The following TRHDE variants were observed in gnomAD, a reference collection of about 807,000 sequenced individuals.
TRHDE encodes thyrotropin releasing hormone degrading enzyme, also known as thyrotropin-releasing hormone-degrading ectoenzyme.
Under a neutral mutation model 125.7 loss-of-function variants are expected in TRHDE, and 72 were observed. The observed-to-expected ratio is 0.57, with a 90% CI of 0.47 to 0.70. The LOEUF (loss-of-function observed/expected upper bound fraction) is 0.70, where lower values mean the gene tolerates loss of function less well. TRHDE is among the 30% of genes least tolerant of loss of function. The probability of loss-of-function intolerance (pLI) is 0.00; values close to 1 mark genes in which losing one functional copy is unlikely to be tolerated. For missense variants in TRHDE, 1,110 were observed against 1,327.1 expected, an observed-to-expected ratio of 0.84 and a Z score of 2.54; for synonymous variants, 509 against 509.1, an observed-to-expected ratio of 1.00 and a Z score of 0.00.
At chr12:72,117,941 C>T (rs1875486898) in intron 2 of TRHDE, among the ~76,000 whole-genome samples, 1 of 151,026 alleles carries the variant, frequency 6.6e-6, no homozygotes, top group African/African-American at 2.4e-5. Flanking sequence ...AACTTTACTG[C>T]ATTTTTTTTT....
At chr12:72,158,307 G>T (rs573367043) in intron 2 of TRHDE, among the ~76,000 whole-genome samples, 2 of 151,700 alleles carry the variant, frequency 1.3e-5, no homozygotes, top group Non-Finnish European at 2.9e-5. Context: ...CTTGTACCCC[G>T]TGAATCTAAA....
At chr12:72,278,890 G>A (rs1312536289) in intron 1 of TRHDE, among the ~76,000 whole-genome samples, 15 of 152,156 alleles carry the variant, frequency 9.9e-5, no homozygotes. Flanking sequence ...CCATTCTATA[G>A]GTTGTCTTTT....
chr12:72,284,359 G>T (rs1403459736), intron 1 of TRHDE, among the ~76,000 whole-genome samples: 1 of 152,096 alleles, frequency 6.6e-6, no homozygotes, highest in Admixed American at 6.5e-5. Flanking sequence ...AATCCCATGG[G>T]CATCTTTTAA....
chr12:72,137,622 A>G (rs2139312081), intron 2 of TRHDE: 1 of 152,314 alleles, frequency 6.6e-6, no homozygotes, highest in African/African-American at 2.4e-5. Flanking sequence ...GTGAGATCAT[A>G]TCTTGAAATA....
chr12:72,254,244 T>G (rs1167801567), intron 2 of TRHDE: 1 of 152,094 alleles, frequency 6.6e-6, no homozygotes, highest in Non-Finnish European at 1.5e-5. Context: ...CTTCCACCCC[T>G]CTTATCTCTA....
chr12:72,314,263 T>C lies in TRHDE; in HGVS notation c.1188+27309T>C, dbSNP rs1050519172. ...ATTTCTTTTGTCCTTTTCTTTTTTT[T>C]TCCTCTCTCTTTCTCTTTTCTTTTC... On this transcript the variant is annotated intron_variant, in intron 2 of 18. Coordinates refer to ENST00000261180, the MANE Select transcript of TRHDE (RefSeq NM_013381.3). 3.8e-3 allele frequency among the ~76,000 whole-genome samples: 506 copies of C among 134,240 alleles called. 2 individuals are homozygous for C. Among genetic ancestry groups the C allele is most frequent in the Non-Finnish European group, 6.1e-3 (382 of 62,992 alleles). 88.1% of individuals were successfully genotyped at this position (134,240 alleles called of 152,430 possible).
At chr12:72,637,991 G>T (rs1250305809) in intron 15 of TRHDE, among the ~76,000 whole-genome samples, 5 of 151,924 alleles carry the variant, frequency 3.3e-5, no homozygotes, top group Admixed American at 3.3e-4. Context: ...TCGATTTGGG[G>T]TGGAGAGTTC....
At chr12:72,246,278 T>TAG (rs199648843) in intron 2 of TRHDE, among the ~76,000 whole-genome samples, 1,717 of 152,256 alleles carry the variant, frequency 0.011, 17 homozygotes, top group Non-Finnish European at 0.017. Context: ...GCCAACCAAA[T>TAG]AGAGAGAGAC....
At chr12:72,595,135 G>GA (rs1368415634) in intron 12 of TRHDE, among the ~76,000 whole-genome samples, 1 of 102,036 alleles carries the variant, frequency 9.8e-6, no homozygotes, top group African/African-American at 3.8e-5. Flanking sequence ...AGGGGGGAGG[G>GA]ATAGCATTAG....
intron 2 of TRHDE, among the ~76,000 whole-genome samples, chr12:72,183,335 A>G (rs969375621): frequency 6.6e-6 from 1 of 152,230 alleles, no homozygotes; most frequent in African/African-American, 2.4e-5. Context: ...CTTTGCCCCA[A>G]TATAGACTCC....
intron 15 of TRHDE, among the ~76,000 whole-genome samples, chr12:72,650,951 T>C (rs1874482324): frequency 6.6e-6 from 1 of 152,114 alleles, no homozygotes; most frequent in African/African-American, 2.4e-5. Context: ...AGAGAGAACA[T>C]GTCACCAATA....
chr12:72,647,899 C>T (rs11179301), intron 15 of TRHDE, among the ~76,000 whole-genome samples: 10,677 of 152,114 alleles, frequency 0.07, 435 homozygotes, highest in Middle Eastern at 0.11. Context: ...ATGAGGAACA[C>T]TTCCAAACTT....
At chr12:72,551,267 A>G (rs1019117241) in intron 7 of TRHDE, among the ~76,000 whole-genome samples, 12 of 152,010 alleles carry the variant, frequency 7.9e-5, no homozygotes, top group African/African-American at 2.2e-4. Context: ...CTTTTGGTCT[A>G]CCTCTGTATT....
At chr12:72,250,922 C>T (rs1405215618) in intron 2 of TRHDE, among the ~76,000 whole-genome samples, 1 of 147,308 alleles carries the variant, frequency 6.8e-6, no homozygotes, top group African/African-American at 2.5e-5. Flanking sequence ...CTCAGTTCTC[C>T]ACTGGAAAGC....
At chr12:72,601,885 G>T (rs927491623) in intron 12 of TRHDE, among the ~76,000 whole-genome samples, 3 of 152,034 alleles carry the variant, frequency 2.0e-5, no homozygotes, top group African/African-American at 7.3e-5. Context: ...TATAATACTT[G>T]CTTTATTGCG....
At chr12:72,601,185 G>A (rs559188073) in intron 12 of TRHDE, among the ~76,000 whole-genome samples, 2 of 152,034 alleles carry the variant, frequency 1.3e-5, no homozygotes, top group East Asian at 3.9e-4. Context: ...CAACTGTCTG[G>A]GATGACTTTG....
chr12:72,154,985 G>C (rs1187819695), intron 2 of TRHDE, among the ~76,000 whole-genome samples: 1 of 152,228 alleles, frequency 6.6e-6, no homozygotes, highest in South Asian at 2.1e-4. Context: ...ATCCTGAAGA[G>C]TGTTTTCTAA....
chr12:72,242,709 T>G (rs1425881551), intron 2 of TRHDE, among the ~76,000 whole-genome samples: 1 of 152,172 alleles, frequency 6.6e-6, no homozygotes, highest in Non-Finnish European at 1.5e-5. Context: ...TCACTGCTGG[T>G]CAGAGGTGAT....
chr12:72,383,968 T>G (rs1872305465), intron 3 of TRHDE, among the ~76,000 whole-genome samples: 1 of 152,140 alleles, frequency 6.6e-6, no homozygotes, highest in Non-Finnish European at 1.5e-5. Context: ...TTGTTAATTT[T>G]TTACTGATTT....
Sources: gnomAD v4.1 joint callset for allele counts (sites outside exome capture counted in the v4.1 genomes callset) on GRCh38, gnomAD v4.1.1 for gene constraint, MANE v1.5 for transcripts, NCBI Gene and HGNC (gene_info 2026-07-23, HGNC 2026-07-21) for gene names.